Variants in CNTNAP5 observed in about 807,000 individuals in gnomAD.
CNTNAP5 encodes the protein contactin-associated protein-like 5.
Under a neutral mutation model 150.2 loss-of-function variants are expected in CNTNAP5, and 72 were observed. That is an observed-to-expected ratio of 0.48 (90% CI 0.40 to 0.58). The LOEUF (loss-of-function observed/expected upper bound fraction) is 0.58, where lower values mean the gene tolerates loss of function less well. Among genes scored for constraint, CNTNAP5 ranks in the 20% least tolerant of loss-of-function variants. The pLI, the probability that CNTNAP5 is intolerant of heterozygous loss-of-function variation, is 0.00. For missense variants in CNTNAP5, 1,636 were observed against 1,626.2 expected (o/e 1.01, Z -0.10); for synonymous variants, 672 against 619.8 (o/e 1.08, Z -1.25).
At chr2:124,418,940 C>T (rs1356375264) in intron 4 of CNTNAP5, among the ~76,000 whole-genome samples, 1 of 150,900 alleles carries the variant, frequency 6.6e-6, no homozygotes, top group Non-Finnish European at 1.5e-5. Context: ...CGAGACCATC[C>T]TGGCTAACAA....
At chr2:124,775,561 G>C (rs1681304328) in intron 17 of CNTNAP5, among the ~76,000 whole-genome samples, 1 of 152,166 alleles carries the variant, frequency 6.6e-6, no homozygotes, top group Non-Finnish European at 1.5e-5. Flanking sequence ...CTGAGTACCA[G>C]AAATAGGCTG....
intron 1 of CNTNAP5, among the ~76,000 whole-genome samples, chr2:124,062,670 G>A (rs1299284622): frequency 1.3e-5 from 2 of 152,178 alleles, no homozygotes; most frequent in Non-Finnish European, 2.9e-5. Flanking sequence ...GTCATAAGAA[G>A]TTTAAGGATA....
intron 11 of CNTNAP5, among the ~76,000 whole-genome samples, chr2:124,564,040 C>T (rs553767877): frequency 2.6e-5 from 4 of 152,238 alleles, no homozygotes; most frequent in African/African-American, 4.8e-5. Context: ...GCCTGTCAAC[C>T]GCAGTGTTAG....
At chr2:124,168,051 A>C (rs2104659114) in intron 1 of CNTNAP5, among the ~76,000 whole-genome samples, 1 of 152,318 alleles carries the variant, frequency 6.6e-6, no homozygotes, top group Admixed American at 6.5e-5. Flanking sequence ...AGAAGGGCAC[A>C]AGCCTCATGA....
chr2:124,713,231 C>A (rs534862488), intron 13 of CNTNAP5, among the ~76,000 whole-genome samples: 494 of 37,608 alleles, frequency 0.013, 28 homozygotes, highest in African/African-American at 0.044. Flanking sequence ...TTCTTTCTTT[C>A]TTTCTTTCTT....
chr2:124,221,842 C>A, intron 2 of CNTNAP5, 33 bp downstream of exon 2: 1 of 1,399,688 alleles, frequency 7.1e-7, no homozygotes, highest in Non-Finnish European at 1.0e-6. Flanking sequence ...TAATGCCAAG[C>A]ACTAAATAAT....
intron 1 of CNTNAP5, among the ~76,000 whole-genome samples, chr2:124,131,214 T>C (rs1045532441): frequency 6.6e-6 from 1 of 152,146 alleles, no homozygotes; most frequent in Admixed American, 6.6e-5. Context: ...ACTTTTCTGA[T>C]TTATAAATTT....
At chr2:124,744,925 T>A (rs1237773654) in intron 13 of CNTNAP5, among the ~76,000 whole-genome samples, 1 of 152,222 alleles carries the variant, frequency 6.6e-6, no homozygotes, top group African/African-American at 2.4e-5. Context: ...CCGGTTTTCA[T>A]ATATAGATAC....
intron 3 of CNTNAP5, among the ~76,000 whole-genome samples, chr2:124,408,035 GCC>G: frequency 6.6e-6 from 1 of 152,188 alleles, no homozygotes; most frequent in African/African-American, 2.4e-5. Context: ...CGCACCGTAC[GCC>G]AGCCGAAGCA....
intron 1 of CNTNAP5, among the ~76,000 whole-genome samples, chr2:124,216,663 A>G (rs1036447358): frequency 3.9e-5 from 6 of 152,046 alleles, no homozygotes; most frequent in Admixed American, 6.6e-5. Flanking sequence ...CCTTGCGATA[A>G]TTTGCTGAGA....
chr2:124,417,446 T>C lies in CNTNAP5; in HGVS notation c.385T>C (p.Phe129Leu). 6.2e-7 allele frequency: 1 copy of C among 1,613,818 alleles called. No individual in the cohort carries two copies. Among genetic ancestry groups the C allele is most frequent in the South Asian group, 1.1e-5 (1 of 91,058 alleles). The change falls in exon 4 of 24, where the codon TTT (phenylalanine) becomes CTT (leucine). Residue 129 changes from phenylalanine (F) to leucine (L), a missense_variant. By Grantham distance (22) the Phe-to-Leu change is conservative. Coordinates refer to ENST00000682447, the MANE Select transcript of CNTNAP5 (RefSeq NM_001367498.1). ...QYKQEDSIWTFAGNMNADSVV... is the reference protein window; with the variant it reads ...QYKQEDSIWTLAGNMNADSVV... ...GCCTCTCCTTTCTTCTCTGCAGACC[T>C]TTGCAGGAAACATGAATGCTGACAG...
chr2:124,712,710 C>G (rs76383062), intron 13 of CNTNAP5, among the ~76,000 whole-genome samples: 6,327 of 152,044 alleles, frequency 0.042, 479 homozygotes, highest in African/African-American at 0.15. Flanking sequence ...CTTGCTGTGT[C>G]CTCACATGGT....
chr2:124,472,896 C>A (rs72966683), intron 6 of CNTNAP5, among the ~76,000 whole-genome samples: 18,785 of 151,818 alleles, frequency 0.12, 1,939 homozygotes, highest in African/African-American at 0.26. Context: ...CGCAAATCTT[C>A]CATTCATGAA....
At chr2:124,140,751 C>A (rs1411966982) in intron 1 of CNTNAP5, among the ~76,000 whole-genome samples, 6 of 93,234 alleles carry the variant, frequency 6.4e-5, no homozygotes, top group Non-Finnish European at 1.4e-4. Flanking sequence ...TCCAAAGGAA[C>A]GCAGTTCCTC....
intron 1 of CNTNAP5, among the ~76,000 whole-genome samples, chr2:124,126,772 T>G (rs1418656770): frequency 1.3e-5 from 2 of 152,148 alleles, no homozygotes; most frequent in East Asian, 3.9e-4. Flanking sequence ...AATCAATAAA[T>G]GTAATCCATC....
chr2:124,653,900 C>T (rs563142007), intron 13 of CNTNAP5, among the ~76,000 whole-genome samples: 1,627 of 131,104 alleles, frequency 0.012, 124 homozygotes, highest in African/African-American at 0.045. Context: ...AACATGCCCC[C>T]ACTGCCCCCA....
chr2:124,742,940 C>T (rs777788847), intron 13 of CNTNAP5, among the ~76,000 whole-genome samples: 1 of 152,084 alleles, frequency 6.6e-6, no homozygotes, highest in African/African-American at 2.4e-5. Flanking sequence ...TATGAAAACT[C>T]TGGTTTCCTA....
At chr2:124,560,624 A>C (rs1695869802) in intron 10 of CNTNAP5, among the ~76,000 whole-genome samples, 1 of 123,054 alleles carries the variant, frequency 8.1e-6, no homozygotes, top group Non-Finnish European at 1.7e-5. Flanking sequence ...AGTTGAATGT[A>C]AGAGAATCCC....
At chr2:124,740,134 A>G (rs1168321898) in intron 13 of CNTNAP5, among the ~76,000 whole-genome samples, 1 of 150,400 alleles carries the variant, frequency 6.6e-6, no homozygotes, top group Non-Finnish European at 1.5e-5. Context: ...TATGAATATA[A>G]TATTTAATTT....
Sources: allele counts gnomAD v4.1 joint callset (sites outside exome capture counted in the v4.1 genomes callset), GRCh38; gene constraint gnomAD v4.1.1; transcripts MANE v1.5; gene names NCBI Gene and HGNC (gene_info 2026-07-23, HGNC 2026-07-21).